The following SLA2 variants were observed in gnomAD, a reference collection of about 807,000 sequenced individuals.
The protein encoded by SLA2 is Src like adaptor 2.
In SLA2, 22 loss-of-function variants were observed where a neutral mutation model predicts 27.3. The ratio of observed to expected loss-of-function variants is 0.81; its 90% confidence interval spans 0.58 to 1.15. The LOEUF (loss-of-function observed/expected upper bound fraction) is 1.15. SLA2 is among the 50% of genes most tolerant of loss of function. SLA2 has a pLI of 0.00. For missense variants in SLA2, 304 were observed against 322.2 expected, an observed-to-expected ratio of 0.94 and a Z score of 0.43; for synonymous variants, 131 against 137.8, an observed-to-expected ratio of 0.95 and a Z score of 0.34.
chr20:36,620,342 C>G (rs2039267944), intron 5 of SLA2: 2 of 157,632 alleles, frequency 1.3e-5, no homozygotes, highest in African/African-American at 4.8e-5. Flanking sequence ...GATTGCGCCA[C>G]TGTACTCCAG....
chr20:36,637,148 C>CTTGTTCTA (rs1487198610), intron 2 of SLA2, among the ~76,000 whole-genome samples: 1 of 149,962 alleles, frequency 6.7e-6, no homozygotes, highest in East Asian at 1.9e-4. Context: ...TGAGGTGACC[C>CTTGTTCTA]TTGTTCTATT....
At position 36,641,272 on chromosome 20, in the gene SLA2, C is replaced by G; in HGVS notation, c.64G>C (p.Gly22Arg). 3 of 1,614,078 alleles carry G rather than the reference C, an allele frequency of 1.9e-6. No homozygotes were observed. Among genetic ancestry groups the G allele is most frequent in the Non-Finnish European group, 2.5e-6 (3 of 1,179,962 alleles). ...PSPSLSSSVQ[G>R]QGPVTMEAER... ...GCTTCCATGGTCACAGGTCCCTGGC[C>G]TTGGACAGAGGAACTCAAGCTTGGG... Residue 22 changes from glycine to arginine, a missense_variant, in exon 2 of 8, where the codon GGC (glycine) becomes CGC (arginine). Transcript: ENST00000262866.
chr20:36,639,685 C>T (rs1332414181), intron 2 of SLA2, among the ~76,000 whole-genome samples: 1 of 150,106 alleles, frequency 6.7e-6, no homozygotes, highest in Non-Finnish European at 1.5e-5. Context: ...AACCCTGTCT[C>T]TACTAAAAAT....
rs148580715 is a variant in SLA2 at position 36,627,662 on chromosome 20, C to G, written c.382+4933G>C. ...GCTGCTGCTGGGGCCTGTCCCTAAC[C>G]CTGTGCTGACCTCTGCACAATCCTG... On this transcript the variant is annotated intron_variant, in intron 5 of 7. Coordinates refer to ENST00000262866, the MANE Select transcript of SLA2 (RefSeq NM_032214.4). Among the ~76,000 whole-genome samples, 56 of 152,346 alleles carry G rather than the reference C, an allele frequency of 3.7e-4. No homozygotes were observed. The East Asian group carries it at 0.01, about 28-fold the overall frequency.
intron 2 of SLA2, 131 bp from the exon 3 acceptor site, chr20:36,634,720 T>C (rs1483588910): frequency 9.6e-6 from 5 of 522,438 alleles, no homozygotes; most frequent in Non-Finnish European, 1.4e-5. Context: ...TCCCATCCAC[T>C]TCCTAAGAGG....
chr20:36,614,808 C>T (rs2147974597), intron 6 of SLA2: 2 of 985,444 alleles, frequency 2.0e-6, no homozygotes, highest in East Asian at 2.3e-4. Context: ...AGTGCTCTTC[C>T]CTCTCTGCCC....
At chr20:36,644,290 G>A (rs2075849565) in intron 1 of SLA2, among the ~76,000 whole-genome samples, 1 of 152,070 alleles carries the variant, frequency 6.6e-6, no homozygotes, top group South Asian at 2.1e-4. Flanking sequence ...CTCTGGCTTG[G>A]GTAGCATGAG....
intron 3 of SLA2, among the ~76,000 whole-genome samples, 189 bp downstream of exon 3, chr20:36,634,301 G>T (rs560124019): frequency 7.5e-4 from 114 of 151,620 alleles, no homozygotes; most frequent in Middle Eastern, 6.9e-3. Flanking sequence ...ATTTATTTTA[G>T]AGATGACAGG....
intron 5 of SLA2, among the ~76,000 whole-genome samples, chr20:36,618,322 C>T (rs1315295583): frequency 2.0e-5 from 3 of 151,790 alleles, no homozygotes; most frequent in African/African-American, 4.8e-5. Flanking sequence ...CCACAACCTC[C>T]GCCTTTCAGG....
intron 5 of SLA2, among the ~76,000 whole-genome samples, chr20:36,630,491 C>T (rs1481951245): frequency 6.6e-6 from 1 of 152,156 alleles, no homozygotes; most frequent in Non-Finnish European, 1.5e-5. Flanking sequence ...GCTTGCAGTG[C>T]CAACATTACT....
At chr20:36,645,554 C>T (rs760081156) in intron 1 of SLA2, among the ~76,000 whole-genome samples, 5 of 152,186 alleles carry the variant, frequency 3.3e-5, no homozygotes, top group African/African-American at 4.8e-5. Context: ...CAAAGTCACA[C>T]AGCAAGTGCG....
At chr20:36,628,163 A>C (rs2039358280) in intron 5 of SLA2, among the ~76,000 whole-genome samples, 1 of 152,178 alleles carries the variant, frequency 6.6e-6, no homozygotes, top group African/African-American at 2.4e-5. Context: ...GGTAGGGCCT[A>C]CAAGTCTACA....
At position 36,620,118 on chromosome 20, in the gene SLA2, C is replaced by T. The variant is rs138721495; in HGVS notation, c.383-4744G>A. ...GAAAAAATAAAAACAATGCTGGGCG[C>T]GATGGCTCACACCTGTAATCCCAGC... On this transcript the variant is annotated intron_variant, in intron 5 of 7. Transcript: ENST00000262866. 2.3e-3 allele frequency among the ~76,000 whole-genome samples: 330 copies of T among 146,664 alleles called. 2 individuals are homozygous for T. Among genetic ancestry groups the T allele is most frequent in the Non-Finnish European group, 4.0e-3 (268 of 66,742 alleles).
At chr20:36,636,620 AAAAATATATATAT>A (rs1295299202) in intron 2 of SLA2, among the ~76,000 whole-genome samples, 1 of 128,112 alleles carries the variant, frequency 7.8e-6, no homozygotes, top group African/African-American at 3.5e-5. Context: ...AGAAAAAAAA[AAAAATATATATAT>A]ATATATATAT....
At chr20:36,625,844 G>A (rs927749063) in intron 5 of SLA2, among the ~76,000 whole-genome samples, 77 of 137,660 alleles carry the variant, frequency 5.6e-4, no homozygotes, top group African/African-American at 1.9e-3. Context: ...AAAAAAAAAA[G>A]CTGGGTGTGG....
chr20:36,622,618 A>G (rs770448732), intron 5 of SLA2, among the ~76,000 whole-genome samples: 5 of 152,156 alleles, frequency 3.3e-5, no homozygotes, highest in Non-Finnish European at 5.9e-5. Flanking sequence ...CAGCAAGGCA[A>G]TGTTCCTTTT....
At chr20:36,623,790 G>C (rs976242432) in intron 5 of SLA2, among the ~76,000 whole-genome samples, 4 of 151,988 alleles carry the variant, frequency 2.6e-5, no homozygotes, top group Non-Finnish European at 5.9e-5. Flanking sequence ...CACCACGCCT[G>C]GCCTGTATTC....
intron 5 of SLA2, among the ~76,000 whole-genome samples, chr20:36,623,287 A>AAAC (rs2039304084): frequency 6.6e-6 from 1 of 151,902 alleles, no homozygotes; most frequent in Admixed American, 6.6e-5. Context: ...AAAAAAAAAA[A>AAAC]AAATCGACAG....
In SLA2 at chr20:36,614,187, G is replaced by C; in HGVS notation, c.665+118C>G. ...CCAGGAGTTGAGTCAGTGCACTCTG[G>C]CTCCAGCTGCCAGGTGTCCCTGAGT... On this transcript the variant is annotated intron_variant, in intron 7 of 7. Transcript: ENST00000262866. The C allele has an allele frequency of 1.9e-6, 3 of 1,548,356 alleles. No homozygotes were observed. The South Asian group carries it at 3.5e-5, about 18-fold the overall frequency.
Sources: allele counts gnomAD v4.1 joint callset (sites outside exome capture counted in the v4.1 genomes callset), GRCh38; gene constraint gnomAD v4.1.1; transcripts MANE v1.5; gene names NCBI Gene and HGNC (gene_info 2026-07-23, HGNC 2026-07-21).